Variants in PTPN13 observed in about 807,000 individuals in gnomAD.
PTPN13 encodes the protein tyrosine-protein phosphatase non-receptor type 13.
In PTPN13, 191 loss-of-function variants were observed where a neutral mutation model predicts 284.0. That is an observed-to-expected ratio of 0.67 (90% CI 0.60 to 0.76). The LOEUF (loss-of-function observed/expected upper bound fraction) is 0.76. Ranked by LOEUF, PTPN13 falls within the 30% of genes least tolerant of loss-of-function variation. The probability of loss-of-function intolerance (pLI) is 0.00; values close to 1 mark genes in which losing one functional copy is unlikely to be tolerated. For synonymous variants in PTPN13, 986 were observed against 1,022.3 expected, an observed-to-expected ratio of 0.96 and a Z score of 0.68; for missense variants, 2,797 against 2,939.9, an observed-to-expected ratio of 0.95 and a Z score of 1.12.
chr4:86,624,146 T>G (rs1267882979), intron 1 of PTPN13, among the ~76,000 whole-genome samples: 2 of 152,162 alleles, frequency 1.3e-5, no homozygotes, highest in Admixed American at 6.5e-5. Flanking sequence ...TTCCATTCTT[T>G]TACAATTTAT....
intron 2 of PTPN13, among the ~76,000 whole-genome samples, chr4:86,661,759 C>T (rs1726514781): frequency 6.6e-6 from 1 of 152,116 alleles, no homozygotes; most frequent in Admixed American, 6.5e-5. Flanking sequence ...CCTCATTGAC[C>T]TTTTCATCCA....
rs559959322 is a variant in PTPN13 at position 86,689,687 on chromosome 4, C to A, written c.546+497C>A. The A allele has an allele frequency of 3.4e-5, 24 of 702,474 alleles. No individual in the cohort carries two copies. In the East Asian group the frequency reaches 6.2e-4, roughly 18 times the overall value. The allele number at this position is 702,474 out of a possible 1,614,324, so 43.5% of individuals were successfully genotyped here. A position where few individuals can be genotyped will look rare whatever the true frequency, so the allele number is the denominator to read the frequency against. ...CTGCTACCTAGTGTATCCAGGGAAT[C>A]CATGCTTGTATCCCTGCCAGATTTC... On this transcript the variant is annotated intron_variant, in intron 5 of 47. Transcript: ENST00000411767.
At position 86,765,491 on chromosome 4, in the gene PTPN13, A is replaced by G. The variant is rs1450062423; in HGVS notation, c.4243+3A>G. On this transcript the variant is annotated splice_donor_region_variant and intron_variant, in intron 26 of 47. Coordinates refer to ENST00000411767, the MANE Select transcript of PTPN13 (RefSeq NM_080683.3). The stretch of plus-strand genomic sequence containing the variant: ...GTCTGATGGTAGAATTCACAAAGGT[A>G]TAGTGTTTATATTATGTGGGAATTA... 3 of 1,559,802 alleles carry G rather than the reference A, an allele frequency of 1.9e-6. No individual in the cohort carries two copies. Among genetic ancestry groups the G allele is most frequent in the Non-Finnish European group, 2.6e-6 (3 of 1,147,234 alleles).
At chr4:86,787,400 C>T (rs1742057038) in intron 40 of PTPN13, among the ~76,000 whole-genome samples, 1 of 151,776 alleles carries the variant, frequency 6.6e-6, no homozygotes, top group African/African-American at 2.4e-5. Flanking sequence ...CAAGACCAGC[C>T]TGGCCAACAT....
chr4:86,691,381 G>T (rs914538194), intron 5 of PTPN13, among the ~76,000 whole-genome samples: 2 of 152,064 alleles, frequency 1.3e-5, no homozygotes, highest in Non-Finnish European at 2.9e-5. Context: ...TGTATTGTGG[G>T]GTTATTTAAT....
intron 2 of PTPN13, among the ~76,000 whole-genome samples, chr4:86,642,761 A>G (rs1185779653): frequency 1.3e-5 from 2 of 151,798 alleles, no homozygotes; most frequent in Non-Finnish European, 2.9e-5. Context: ...GGCCCACTTC[A>G]CCTTTTTAAC....
chr4:86,735,523 T>G, intron 14 of PTPN13, 71 bp from the exon 15 acceptor site: 1 of 1,536,390 alleles, frequency 6.5e-7, no homozygotes, highest in Non-Finnish European at 8.8e-7. Flanking sequence ...GCAAGAACTT[T>G]AAGATAGAAG....
At chr4:86,646,881 A>G (rs182396902) in intron 2 of PTPN13, among the ~76,000 whole-genome samples, 5 of 152,372 alleles carry the variant, frequency 3.3e-5, no homozygotes, top group African/African-American at 1.2e-4. Context: ...CTACACATCA[A>G]TAAAAAGGAG....
At position 86,649,438 on chromosome 4, in the gene PTPN13, C is replaced by T. The variant is rs890739566; in HGVS notation, c.115+14067C>T. 7.2e-5 allele frequency among the ~76,000 whole-genome samples: 11 copies of T among 152,194 alleles called. No individual in the cohort carries two copies. The South Asian group carries it at 1.2e-3, about 17-fold the overall frequency. ...GAGATAGGGGTCTATCTTCATTCTT[C>T]GACATATGGATATTAAGTTTTCCCA... is the stretch of plus-strand genomic sequence containing the variant. On this transcript the variant is annotated intron_variant, in intron 2 of 47. Coordinates refer to ENST00000411767, the MANE Select transcript of PTPN13 (RefSeq NM_080683.3).
At chr4:86,776,916 G>A (rs912769896) in intron 35 of PTPN13, among the ~76,000 whole-genome samples, 3 of 152,094 alleles carry the variant, frequency 2.0e-5, no homozygotes, top group Non-Finnish European at 4.4e-5. Flanking sequence ...CATCAGTATC[G>A]ATTGGCTTAA....
At chr4:86,697,210 T>C (rs565450468) in intron 6 of PTPN13, among the ~76,000 whole-genome samples, 1 of 152,230 alleles carries the variant, frequency 6.6e-6, no homozygotes, top group African/African-American at 2.4e-5. Context: ...TGATACATTA[T>C]TAATAAAACA....
chr4:86,721,693 C>G (rs1207668158), intron 9 of PTPN13, among the ~76,000 whole-genome samples: 1 of 109,508 alleles, frequency 9.1e-6, no homozygotes, highest in Non-Finnish European at 1.9e-5. Flanking sequence ...CTCTCCCTCT[C>G]CCCCGCTCCC....
intron 7 of PTPN13, among the ~76,000 whole-genome samples, chr4:86,712,956 A>C (rs1184310356): frequency 6.6e-6 from 1 of 152,224 alleles, no homozygotes; most frequent in East Asian, 1.9e-4. Context: ...AACAATTATA[A>C]AGTACCACCA....
At chr4:86,613,410 C>T (rs1267639968) in intron 1 of PTPN13, among the ~76,000 whole-genome samples, 2 of 151,986 alleles carry the variant, frequency 1.3e-5, no homozygotes, top group African/African-American at 4.8e-5. Context: ...CCGAGGCGGG[C>T]AGATCACGAA....
At chr4:86,760,475 G>A (rs889320049) in intron 23 of PTPN13, among the ~76,000 whole-genome samples, 2 of 152,110 alleles carry the variant, frequency 1.3e-5, no homozygotes, top group African/African-American at 4.8e-5. Context: ...TAGATGTTTT[G>A]TAGAAAATTT....
At chr4:86,630,894 C>T (rs148019392) in intron 1 of PTPN13, among the ~76,000 whole-genome samples, 1 of 152,244 alleles carries the variant, frequency 6.6e-6, no homozygotes, top group East Asian at 1.9e-4. Context: ...ATTAAAATGA[C>T]ATCTGTTAGA....
intron 42 of PTPN13, among the ~76,000 whole-genome samples, chr4:86,801,043 A>G (rs1437923178): frequency 6.6e-6 from 1 of 152,204 alleles, no homozygotes; most frequent in Admixed American, 6.5e-5. Flanking sequence ...CAGCTGATTG[A>G]CATAATTAAA....
At position 86,812,234 on chromosome 4, in the gene PTPN13, C is replaced by T. The variant is rs545229483; in HGVS notation, c.7362+1126C>T. ...CTGAGGCAGGAGAATGGCGTGAACCCGGGAGGCGGAGCTTGCAGTGAGCCG... is the reference window on the plus strand; with the variant it reads ...CTGAGGCAGGAGAATGGCGTGAACCTGGGAGGCGGAGCTTGCAGTGAGCCG... On this transcript the variant is annotated intron_variant, in intron 47 of 47. Coordinates refer to ENST00000411767, the MANE Select transcript of PTPN13 (RefSeq NM_080683.3). 3.3e-4 allele frequency among the ~76,000 whole-genome samples: 46 copies of T among 139,366 alleles called. No individual in the cohort carries two copies. In the South Asian group the frequency reaches 6.8e-3, roughly 21 times the overall value. The allele number at this position is 139,366 out of a possible 152,430, so 91.4% of individuals were successfully genotyped here. A position where few individuals can be genotyped will look rare whatever the true frequency, so the allele number is the denominator to read the frequency against.
intron 10 of PTPN13, among the ~76,000 whole-genome samples, chr4:86,726,845 C>G (rs1304874679): frequency 2.0e-5 from 3 of 149,476 alleles, no homozygotes; most frequent in Non-Finnish European, 3.0e-5. Context: ...ACTTCCAACA[C>G]TATGTTGAAT....
Sources: allele counts gnomAD v4.1 joint callset (sites outside exome capture counted in the v4.1 genomes callset), GRCh38; gene constraint gnomAD v4.1.1; transcripts MANE v1.5; gene names NCBI Gene and HGNC (gene_info 2026-07-23, HGNC 2026-07-21).